Variants in CCDC7 observed in about 807,000 individuals in gnomAD.
CCDC7 encodes the protein coiled-coil domain containing 7.
CCDC7 carries 183 observed loss-of-function variants against 196.9 expected under a neutral mutation model. The ratio of observed to expected loss-of-function variants is 0.93; its 90% CI spans 0.82 to 1.05. The LOEUF (loss-of-function observed/expected upper bound fraction) is 1.05, where lower values mean the gene tolerates loss of function less well. Among genes scored for constraint, CCDC7 ranks in the 50% least tolerant of loss-of-function variants. The pLI is 0.00. For missense variants in CCDC7, 1,540 were observed against 1,482.2 expected (o/e 1.04, Z -0.64); for synonymous variants, 525 against 484.6 (o/e 1.08, Z -1.10).
intron 8 of CCDC7, among the ~76,000 whole-genome samples, chr10:32,483,502 C>T (rs888124861): frequency 4.6e-5 from 7 of 152,192 alleles, no homozygotes; most frequent in African/African-American, 1.4e-4. Flanking sequence ...TAGTTTAATT[C>T]GATCCCATTT....
chr10:32,854,451 C>G (rs751343417), exon 41 of CCDC7: 4 of 1,607,058 alleles, frequency 2.5e-6, no homozygotes, highest in Non-Finnish European at 3.4e-6. Flanking sequence ...TTTACTCTGC[C>G]TACTGTGACC....
At chr10:32,736,865 T>C (rs1453033699) in intron 28 of CCDC7, among the ~76,000 whole-genome samples, 1 of 152,172 alleles carries the variant, frequency 6.6e-6, no homozygotes, top group East Asian at 1.9e-4. Context: ...TTTTCTTGTC[T>C]TACTGCATTA....
At chr10:32,838,678 G>A (rs1037229916) in intron 33 of CCDC7, among the ~76,000 whole-genome samples, 1 of 151,994 alleles carries the variant, frequency 6.6e-6, no homozygotes, top group Non-Finnish European at 1.5e-5. Flanking sequence ...TAGGCCTATA[G>A]TAATCAGGTT....
intron 3 of CCDC7, among the ~76,000 whole-genome samples, chr10:32,459,910 A>G (rs1013706124): frequency 6.6e-6 from 1 of 152,026 alleles, no homozygotes; most frequent in Admixed American, 6.6e-5. Flanking sequence ...AAATTGAACA[A>G]AGTCTCAGAT....
chr10:32,698,225 A>C (rs2078048645), intron 24 of CCDC7, among the ~76,000 whole-genome samples: 1 of 152,210 alleles, frequency 6.6e-6, no homozygotes, highest in Non-Finnish European at 1.5e-5. Flanking sequence ...AAAGGTAGAT[A>C]AAACCACAAA....
chr10:32,570,130 C>T (rs1168425992), intron 15 of CCDC7, among the ~76,000 whole-genome samples: 1 of 152,184 alleles, frequency 6.6e-6, no homozygotes, highest in East Asian at 1.9e-4. Flanking sequence ...ATCTAGAATT[C>T]ACCATGTCCC....
intron 15 of CCDC7, 50 bp downstream of exon 16, chr10:32,567,941 G>T: frequency 1.7e-5 from 24 of 1,448,340 alleles, no homozygotes; most frequent in South Asian, 1.3e-4. Context: ...TGAGAAATTT[G>T]TCTTTTATAT....
chr10:32,616,758 C>T (rs1314856634), intron 18 of CCDC7, among the ~76,000 whole-genome samples: 1 of 151,718 alleles, frequency 6.6e-6, no homozygotes, highest in Non-Finnish European at 1.5e-5. Flanking sequence ...AGAGGGAATG[C>T]TTTCAACTTT....
chr10:32,791,766 TAAA>T (rs937923820), intron 29 of CCDC7, among the ~76,000 whole-genome samples: 2 of 152,048 alleles, frequency 1.3e-5, no homozygotes, highest in Non-Finnish European at 2.9e-5. Flanking sequence ...TTACAGGTAT[TAAA>T]GAAGGAAACA....
rs958495973 is a variant in CCDC7 at position 32,611,692 on chromosome 10, G to T, written c.1802-22562G>T. 3.3e-5 allele frequency among the ~76,000 whole-genome samples: 5 copies of T among 152,100 alleles called. No homozygotes were observed. In the South Asian group the frequency reaches 6.2e-4, roughly 19 times the overall value. On this transcript the variant is annotated intron_variant, in intron 18 of 41. Coordinates refer to ENST00000639629, the Ensembl canonical transcript of CCDC7. The stretch of plus-strand genomic sequence containing the variant: ...TTAAATAGGGAATCCTTTCCCCATT[G>T]CTTGTTTTTGTCAGGTTTGTCAAAG...
intron 25 of CCDC7, among the ~76,000 whole-genome samples, chr10:32,720,123 C>T: frequency 6.6e-6 from 1 of 152,090 alleles, no homozygotes; most frequent in Non-Finnish European, 1.5e-5. Context: ...TTCACAATAG[C>T]AAAGACTTGG....
chr10:32,859,512 G>C (rs1308769902), intron 41 of CCDC7, among the ~76,000 whole-genome samples: 3 of 152,104 alleles, frequency 2.0e-5, no homozygotes, highest in Non-Finnish European at 4.4e-5. Flanking sequence ...AAAAGAACTA[G>C]AGAAGCAAGA....
At chr10:32,562,582 C>G (rs1414025261) in intron 13 of CCDC7, among the ~76,000 whole-genome samples, 2 of 152,144 alleles carry the variant, frequency 1.3e-5, no homozygotes, top group African/African-American at 4.8e-5. Flanking sequence ...GCAGGAAAGG[C>G]CTTTGACAAA....
intron 11 of CCDC7, among the ~76,000 whole-genome samples, chr10:32,542,843 A>G (rs923452801): frequency 6.6e-6 from 1 of 152,104 alleles, no homozygotes. Flanking sequence ...AAAAGTCTAT[A>G]TTTCTCATGG....
chr10:32,444,898 G>C (rs1188769911), upstream of CCDC7, among the ~76,000 whole-genome samples: 1 of 150,274 alleles, frequency 6.7e-6, no homozygotes, highest in African/African-American at 2.5e-5. Context: ...CTGTTGCCCA[G>C]GCTGGAGCGC....
Position 32,804,207 on chromosome 10 carries a change from T to C in CCDC7, c.3014-808T>C, listed in dbSNP as rs1039584982. Among the ~76,000 whole-genome samples the C allele has an allele frequency of 6.8e-4, 103 of 152,170 alleles. 1 individual carries two copies. Among genetic ancestry groups the C allele is most frequent in the Non-Finnish European group, 1.5e-5 (1 of 67,994 alleles). Reference sequence around the variant, plus strand: ...CCAGTAGTTGACTTTAGTTCATCAATCCTAATCACCCCTTTCTAACATAAA... The same window carrying C: ...CCAGTAGTTGACTTTAGTTCATCAACCCTAATCACCCCTTTCTAACATAAA... On this transcript the variant is annotated intron_variant, in intron 29 of 41. Coordinates refer to ENST00000639629, the Ensembl canonical transcript of CCDC7.
chr10:32,821,591 A>G (rs1479291383), intron 31 of CCDC7, among the ~76,000 whole-genome samples: 1 of 152,256 alleles, frequency 6.6e-6, no homozygotes, highest in Non-Finnish European at 1.5e-5. Context: ...GACTGGATTA[A>G]GAAAAGTGAC....
rs58119017 is a variant in CCDC7, at chr10:32,533,246, A to AACACACACACACACACACACAC, written c.994-10042_994-10021dup. Among the ~76,000 whole-genome samples the AACACACACACACACACACACAC allele has an allele frequency of 6.4e-4, 93 of 144,628 alleles. 1 individual carries two copies. Among genetic ancestry groups the AACACACACACACACACACACAC allele is most frequent in the Non-Finnish European group, 1.1e-3 (73 of 65,906 alleles). The allele number at this position is 144,628 out of a possible 152,430, so 94.9% of individuals were successfully genotyped here. On this transcript the variant is annotated intron_variant, in intron 11 of 41. Transcript: ENST00000639629. ...CAAATAAAAGAATAGAAACAAAGGAAACACACACACACACACACACACACA... is the reference window on the plus strand; with the variant it reads ...CAAATAAAAGAATAGAAACAAAGGAAACACACACACACACACACACACACACACACACACACACACACACACA...
At chr10:32,736,987 AT>A (rs1442561483) in intron 28 of CCDC7, among the ~76,000 whole-genome samples, 2 of 152,086 alleles carry the variant, frequency 1.3e-5, no homozygotes, top group Non-Finnish European at 2.9e-5. Flanking sequence ...GATATTAGGT[AT>A]TTGTTTTTTG....
Sources: allele counts gnomAD v4.1 joint callset (sites outside exome capture counted in the v4.1 genomes callset), GRCh38; gene constraint gnomAD v4.1.1; transcripts MANE v1.5; gene names NCBI Gene and HGNC (gene_info 2026-07-23, HGNC 2026-07-21).